Variants in VPREB3 observed in about 807,000 individuals in gnomAD.
VPREB3 encodes the protein pre-B lymphocyte protein 3.
VPREB3 carries 14 observed loss-of-function variants against 12.9 expected under a neutral mutation model. The ratio of observed to expected loss-of-function variants is 1.09; its 90% CI spans 0.72 to 1.70. The LOEUF (loss-of-function observed/expected upper bound fraction) is 1.70. Among genes scored for constraint, VPREB3 ranks in the 40% most tolerant of loss-of-function variants. VPREB3 has a pLI of 0.00. For missense variants in VPREB3, 165 were observed against 159.6 expected (o/e 1.03, Z -0.18); for synonymous variants, 78 against 70.1 (o/e 1.11, Z -0.56).
chr22:23,752,758 G>T lies in VPREB3; in HGVS notation c.*118C>A. ...TCACAATAGCTGTTGTTGACATGTT[G>T]AATATTATTAACCCATTTTACAGAG... On this transcript the variant is annotated 3_prime_UTR_variant, in exon 2 of 2. Coordinates refer to ENST00000248948, the MANE Select transcript of VPREB3 (RefSeq NM_013378.3). 1 of 968,180 alleles carries T rather than the reference G, an allele frequency of 1.0e-6. No individual in the cohort carries two copies. Among genetic ancestry groups the T allele is most frequent in the Non-Finnish European group, 1.5e-6 (1 of 651,012 alleles). 60.0% of individuals were successfully genotyped at this position (968,180 alleles called of 1,614,324 possible).
chr22:23,754,035 T>C (rs1447376528), intron 1 of VPREB3, among the ~76,000 whole-genome samples: 2 of 151,906 alleles, frequency 1.3e-5, no homozygotes, highest in South Asian at 2.1e-4. Flanking sequence ...AATACAAAAT[T>C]AGCCAGGCGT....
Position 23,752,772 on chromosome 22 carries a change from C to T in VPREB3, c.*104G>A, listed in dbSNP as rs901596748. ...GTTGACATGTTGAATATTATTAACC[C>T]ATTTTACAGAGGGGAAGCAAGGCTC... On this transcript the variant is annotated 3_prime_UTR_variant, in exon 2 of 2. Coordinates refer to ENST00000248948, the MANE Select transcript of VPREB3 (RefSeq NM_013378.3). The T allele has an allele frequency of 2.8e-5, 30 of 1,085,470 alleles. No individual in the cohort carries two copies. The highest frequency in any genetic ancestry group is 3.7e-5 in the Non-Finnish European group (28 of 749,266). The allele number at this position is 1,085,470 out of a possible 1,614,324, so 67.2% of individuals were successfully genotyped here.
intron 1 of VPREB3, among the ~76,000 whole-genome samples, chr22:23,753,680 CA>C (rs1925430009): frequency 6.6e-6 from 1 of 152,188 alleles, no homozygotes; most frequent in South Asian, 2.1e-4. Flanking sequence ...GGGACCCTCT[CA>C]GGGAGGTTAG....
In VPREB3 at chr22:23,753,174, A is replaced by G. The variant is rs2145905455; in HGVS notation, c.74T>C (p.Leu25Pro). The G allele has an allele frequency of 6.2e-7, 1 of 1,604,584 alleles. No homozygotes were observed. The highest frequency in any genetic ancestry group is 1.3e-5 in the African/African-American group (1 of 74,802). The part of the protein sequence containing the change: ...LSVSQTVLAQ[L>P]DALLVFPGQV... ...GCCTGGGAAGACCAGCAGTGCATCC[A>G]GCTGGGCCAGGACTGTCTGGGAAAC... The change falls in exon 2 of 2, where the codon CTG (leucine) becomes CCG (proline). Residue 25 changes from leucine to proline, a missense_variant. By Grantham distance (98) the Leu-to-Pro change is moderately conservative. Transcript: ENST00000248948.
At chr22:23,753,478 T>TC (rs1467006805) in intron 1 of VPREB3, among the ~76,000 whole-genome samples, 5 of 152,076 alleles carry the variant, frequency 3.3e-5, no homozygotes, top group African/African-American at 9.7e-5. Flanking sequence ...GGCCCAGAGC[T>TC]CAGAAGGTTG....
In VPREB3 at chr22:23,753,034, G is replaced by C. The variant is rs140601102; in HGVS notation, c.214C>G (p.Arg72Gly). ...GGCCGGTGGTGATCCTCCTCCGAGC[G>C]GTAGTAGAGGAGATATCGAGGGGCA... ...GSAPRYLLYYRSEEDHHRPAD... is the reference protein window; with the variant it reads ...GSAPRYLLYYGSEEDHHRPAD... The change falls in exon 2 of 2, where the codon CGC becomes GGC. Residue 72 changes from arginine to glycine, a missense_variant. Arg to Gly is a moderately radical substitution (Grantham distance 125, BLOSUM62 -2). Coordinates refer to ENST00000248948, the MANE Select transcript of VPREB3 (RefSeq NM_013378.3). The C allele has an allele frequency of 3.1e-6, 5 of 1,614,136 alleles. No homozygotes were observed. The South Asian group carries it at 3.3e-5, about 11-fold the overall frequency.
At position 23,752,889 on chromosome 22, in the gene VPREB3, C is replaced by G; in HGVS notation, c.359G>C (p.Gly120Ala). ...CACACCCCACCCCTAGGGACTAAAG[C>G]CGTAGCCAACAGAGCAGTAGTAATC... ...DADYYCSVGYGFSP is the reference protein window; with the variant it reads ...DADYYCSVGYAFSP The change falls in exon 2 of 2, where the codon GGC becomes GCC. Residue 120 changes from glycine to alanine, a missense_variant. Physicochemically the swap from Gly to Ala is moderately conservative, Grantham distance 60 (BLOSUM62 0). Transcript: ENST00000248948. 6.2e-7 allele frequency: 1 copy of G among 1,611,498 alleles called. No individual in the cohort carries two copies. Among genetic ancestry groups the G allele is most frequent in the Non-Finnish European group, 8.5e-7 (1 of 1,177,954 alleles).
In VPREB3 at chr22:23,752,917, C is replaced by T. The variant is rs200421976; in HGVS notation, c.331G>A (p.Ala111Thr). The T allele has an allele frequency of 4.3e-5, 70 of 1,614,142 alleles. No individual in the cohort carries two copies. Among genetic ancestry groups the T allele is most frequent in the African/African-American group, 3.5e-4 (26 of 75,044 alleles). ...TAGCCAACAGAGCAGTAGTAATCCG[C>T]GTCGTCTTCAGGCTGCACGGGACTA... ...TISPVQPEDD[A>T]DYYCSVGYGF... Residue 111 changes from alanine (A) to threonine (T), a missense_variant, in exon 2 of 2, where the codon GCG becomes ACG. Transcript: ENST00000248948.
At chr22:23,754,257 G>A (rs1925446240) in intron 1 of VPREB3, 58 bp downstream of exon 1, 1 of 1,552,924 alleles carries the variant, frequency 6.4e-7, no homozygotes, top group Admixed American at 1.9e-5. Flanking sequence ...GGGGCCTTCT[G>A]GGGCCAGTAC....
intron 1 of VPREB3, 114 bp downstream of exon 1, chr22:23,754,201 C>T (rs1925444059): frequency 9.0e-7 from 1 of 1,116,234 alleles, no homozygotes; most frequent in Admixed American, 2.7e-5. Context: ...AAAAAATACC[C>T]CTCCCAGGAC....
intron 1 of VPREB3, 150 bp downstream of exon 1, chr22:23,754,163 CAA>C: frequency 1.4e-6 from 1 of 735,242 alleles, no homozygotes; most frequent in Non-Finnish European, 2.2e-6. Context: ...GCCTGGGCAA[CAA>C]GAGCAAAACT....
intron 1 of VPREB3, among the ~76,000 whole-genome samples, chr22:23,753,907 G>T (rs890811605): frequency 2.0e-5 from 3 of 152,192 alleles, no homozygotes; most frequent in African/African-American, 7.2e-5. Flanking sequence ...CTCCCAGCCA[G>T]GTGCAGTGGC....
rs754315682 is a variant in VPREB3, at chr22:23,754,409, A to G, written c.-46T>C. The G allele has an allele frequency of 1.3e-5, 20 of 1,581,440 alleles. No homozygotes were observed. In the East Asian group the frequency reaches 4.1e-4, roughly 33 times the overall value. ...GCAAGTAGAAGTTCTGCAAGGCTAT[A>G]TGCTCCAGGTGCTTTGGGGCACAGG... On this transcript the variant is annotated 5_prime_UTR_variant, in exon 1 of 2. Coordinates refer to ENST00000248948, the MANE Select transcript of VPREB3 (RefSeq NM_013378.3).
intron 1 of VPREB3, 85 bp from the exon 2 acceptor site, chr22:23,753,283 C>T: frequency 2.2e-6 from 3 of 1,380,296 alleles, no homozygotes; most frequent in South Asian, 2.8e-5. Flanking sequence ...ATGGAGACTC[C>T]CAGTCCCAAA....
Position 23,753,149 on chromosome 22 carries a change from G to A in VPREB3, c.99C>T (p.Gly33=), listed in dbSNP as rs1925415765. 2 of 1,611,538 alleles carry A rather than the reference G, an allele frequency of 1.2e-6. No homozygotes were observed. The highest frequency in any genetic ancestry group is 1.1e-5 in the South Asian group (1 of 90,646). Reference sequence around the variant, plus strand: ...GCGTGCAGGAGAGTTGAGCCACTTGGCCTGGGAAGACCAGCAGTGCATCCA... The same window carrying A: ...GCGTGCAGGAGAGTTGAGCCACTTGACCTGGGAAGACCAGCAGTGCATCCA... ...AQLDALLVFP[G]QVAQLSCTLS... is the part of the protein sequence containing the mutation. The change falls in exon 2 of 2, where the codon GGC becomes GGT. Residue 33 remains glycine (G), a synonymous_variant. Transcript: ENST00000248948.
At chr22:23,754,131 G>A (rs934346783) in intron 1 of VPREB3, among the ~76,000 whole-genome samples, 184 bp downstream of exon 1, 16 of 151,598 alleles carry the variant, frequency 1.1e-4, no homozygotes, top group Admixed American at 8.6e-4. Context: ...GCAGTGAGCC[G>A]AGATTGCACC....
chr22:23,754,198 A>G, intron 1 of VPREB3, 117 bp downstream of exon 1: 1 of 1,042,840 alleles, frequency 9.6e-7, no homozygotes. Context: ...AAAAAAAAAT[A>G]CCCCTCCCAG....
Position 23,754,199 on chromosome 22 carries a change from C to A in VPREB3, c.49+116G>T, listed in dbSNP as rs1442799392. The A allele has an allele frequency of 5.7e-6, 6 of 1,051,892 alleles. No individual in the cohort carries two copies. In the African/African-American group the frequency reaches 8.4e-5, roughly 15 times the overall value. 65.2% of individuals were successfully genotyped at this position (1,051,892 alleles called of 1,614,324 possible). ...CTCCGTCTCAAAAAAAAAAAAAATA[C>A]CCCTCCCAGGACCTGCCCTACTGTC... On this transcript the variant is annotated intron_variant, in intron 1 of 1. Coordinates refer to ENST00000248948, the MANE Select transcript of VPREB3 (RefSeq NM_013378.3).
rs772114330 is a variant in VPREB3 at position 23,752,850 on chromosome 22, G to A, written c.*26C>T. 8 of 1,589,604 alleles carry A rather than the reference G, an allele frequency of 5.0e-6. No homozygotes were observed. In the South Asian group the frequency reaches 6.8e-5, roughly 14 times the overall value. ...CAGGGGCAGAAATGGGAGGCAGAGGGGAGGCACCCATCTCACACCCCACCC... is the reference window on the plus strand; with the variant it reads ...CAGGGGCAGAAATGGGAGGCAGAGGAGAGGCACCCATCTCACACCCCACCC... On this transcript the variant is annotated 3_prime_UTR_variant, in exon 2 of 2. Coordinates refer to ENST00000248948, the MANE Select transcript of VPREB3 (RefSeq NM_013378.3).
Sources: allele counts gnomAD v4.1 joint callset (sites outside exome capture counted in the v4.1 genomes callset), GRCh38; gene constraint gnomAD v4.1.1; transcripts MANE v1.5; gene names NCBI Gene and HGNC (gene_info 2026-07-23, HGNC 2026-07-21).